GPR158: variants seen among roughly 807,000 people sequenced by gnomAD.
The protein encoded by GPR158 is metabotropic glycine receptor.
A neutral mutation model predicts 78.2 loss-of-function variants in GPR158; 30 were observed. That is an observed-to-expected ratio of 0.38 (90% CI 0.29 to 0.52). The LOEUF (loss-of-function observed/expected upper bound fraction) is 0.52, where lower values mean the gene tolerates loss of function less well. GPR158 is among the 20% of genes least tolerant of loss of function. GPR158 has a pLI of 0.83. For missense variants in GPR158, 1,463 were observed against 1,523.5 expected, an observed-to-expected ratio of 0.96 and a Z score of 0.66; for synonymous variants, 581 against 591.1, an observed-to-expected ratio of 0.98 and a Z score of 0.25.
At chr10:25,189,951 T>A (rs900653405) in intron 1 of GPR158, among the ~76,000 whole-genome samples, 1 of 149,680 alleles carries the variant, frequency 6.7e-6, no homozygotes, top group African/African-American at 2.5e-5. Flanking sequence ...AGGGAACAAA[T>A]GAAGATGAAT....
At chr10:25,222,219 T>C (rs1213520556) in intron 2 of GPR158, among the ~76,000 whole-genome samples, 1 of 151,420 alleles carries the variant, frequency 6.6e-6, no homozygotes, top group Non-Finnish European at 1.5e-5. Context: ...ACTCCCACAC[T>C]CCCAACTATC....
chr10:25,231,915 G>A (rs1853453528), intron 2 of GPR158, among the ~76,000 whole-genome samples: 1 of 152,160 alleles, frequency 6.6e-6, no homozygotes, highest in Non-Finnish European at 1.5e-5. Context: ...CGGGATCAGG[G>A]TGAGGCTGAG....
rs1427895455 is a variant in GPR158, at chr10:25,474,219, A to G, written c.1404+7500A>G. Among the ~76,000 whole-genome samples the G allele has an allele frequency of 3.3e-5, 5 of 152,114 alleles. No homozygotes were observed. In the East Asian group the frequency reaches 9.7e-4, roughly 29 times the overall value. On this transcript the variant is annotated intron_variant, in intron 5 of 10. Transcript: ENST00000376351. ...CCTCTACAAGGAAGGCAGCTCTGCA[A>G]CACCTTGATTTTAGTTCCTTAAGAC...
At chr10:25,194,807 TGTTG>T (rs1254635556) in intron 1 of GPR158, among the ~76,000 whole-genome samples, 1 of 152,228 alleles carries the variant, frequency 6.6e-6, no homozygotes, top group Non-Finnish European at 1.5e-5. Context: ...ATAATTTTTC[TGTTG>T]GTTATTTTGA....
chr10:25,426,713 C>CCATAA (rs1834829085), intron 4 of GPR158, among the ~76,000 whole-genome samples: 1 of 151,958 alleles, frequency 6.6e-6, no homozygotes. Flanking sequence ...TCACCAATCA[C>CCATAA]CATAACAGAT....
intron 2 of GPR158, among the ~76,000 whole-genome samples, chr10:25,249,158 T>G (rs1229882093): frequency 6.6e-6 from 1 of 152,186 alleles, no homozygotes; most frequent in Admixed American, 6.5e-5. Flanking sequence ...TGTACATTGA[T>G]TTTGTCTCCT....
chr10:25,332,440 C>T (rs1449337626), intron 2 of GPR158, among the ~76,000 whole-genome samples: 1 of 152,060 alleles, frequency 6.6e-6, no homozygotes, highest in Non-Finnish European at 1.5e-5. Flanking sequence ...AATATTGAAG[C>T]TAAAATTTTA....
intron 2 of GPR158, among the ~76,000 whole-genome samples, chr10:25,245,673 T>C (rs759155352): frequency 6.6e-6 from 1 of 152,192 alleles, no homozygotes; most frequent in Non-Finnish European, 1.5e-5. Context: ...CATGGAACTT[T>C]TTAAAGAGAA....
At chr10:25,566,561 G>A (rs149805769) in intron 6 of GPR158, among the ~76,000 whole-genome samples, 1 of 152,110 alleles carries the variant, frequency 6.6e-6, no homozygotes, top group East Asian at 1.9e-4. Flanking sequence ...AAAGGAAGGT[G>A]AGAAAAAAGG....
At chr10:25,222,428 C>T (rs1375786576) in intron 2 of GPR158, among the ~76,000 whole-genome samples, 1 of 151,682 alleles carries the variant, frequency 6.6e-6, no homozygotes, top group Non-Finnish European at 1.5e-5. Flanking sequence ...CCACAGCCCC[C>T]CCATTCCCTC....
intron 2 of GPR158, among the ~76,000 whole-genome samples, chr10:25,310,564 T>C (rs1193330516): frequency 6.6e-6 from 1 of 152,168 alleles, no homozygotes; most frequent in Non-Finnish European, 1.5e-5. Context: ...TTAATTTCTT[T>C]CAGCAATGTG....
Position 25,600,249 on chromosome 10 carries a change from C to A in GPR158, c.*975C>A, listed in dbSNP as rs562308446. ...TTTATTCAAAGTCAGAGATAGATAACGCCTTCATTCCAATTAATTGTCCCT... is the reference window on the plus strand; with the variant it reads ...TTTATTCAAAGTCAGAGATAGATAAAGCCTTCATTCCAATTAATTGTCCCT... On this transcript the variant is annotated 3_prime_UTR_variant, in exon 11 of 11. Coordinates refer to ENST00000376351, the MANE Select transcript of GPR158 (RefSeq NM_020752.3). The A allele has an allele frequency of 1.3e-5, 2 of 152,696 alleles. No homozygotes were observed. The highest frequency in any genetic ancestry group is 2.1e-4 in the South Asian group (1 of 4,830). 9.5% of individuals were successfully genotyped at this position (152,696 alleles called of 1,614,324 possible).
chr10:25,422,687 T>A (rs1248184143), intron 4 of GPR158, among the ~76,000 whole-genome samples: 13 of 151,698 alleles, frequency 8.6e-5, no homozygotes, highest in Admixed American at 8.5e-4. Context: ...TTCCTGAGAT[T>A]GGAGAATTTC....
At chr10:25,190,980 T>C (rs1852764607) in intron 1 of GPR158, among the ~76,000 whole-genome samples, 1 of 152,216 alleles carries the variant, frequency 6.6e-6, no homozygotes, top group African/African-American at 2.4e-5. Context: ...ATGAAGACTA[T>C]GATTTTTCTG....
chr10:25,563,190 G>T (rs763896078), intron 6 of GPR158, among the ~76,000 whole-genome samples: 1 of 151,658 alleles, frequency 6.6e-6, no homozygotes, highest in African/African-American at 2.4e-5. Context: ...ACATATAGTT[G>T]GATCATCTTT....
chr10:25,360,924 C>T (rs533372300), intron 2 of GPR158, among the ~76,000 whole-genome samples: 1 of 152,078 alleles, frequency 6.6e-6, no homozygotes, highest in African/African-American at 2.4e-5. Context: ...TGTTTGTGTC[C>T]TCTCTTATTT....
Position 25,241,295 on chromosome 10 carries a change from T to C in GPR158, c.1008+20138T>C, listed in dbSNP as rs868053041. On this transcript the variant is annotated intron_variant, in intron 2 of 10. Coordinates refer to ENST00000376351, the MANE Select transcript of GPR158 (RefSeq NM_020752.3). The stretch of plus-strand genomic sequence containing the variant: ...TCCTTTCTTTCTTTCTTTTCTTTTC[T>C]TTTCTTTTCTTTTCTTTTCTCTTCT... 1.9e-4 allele frequency among the ~76,000 whole-genome samples: 19 copies of C among 101,210 alleles called. 1 individual carries two copies. Among genetic ancestry groups the C allele is most frequent in the African/African-American group, 4.2e-4 (10 of 23,830 alleles). The allele number at this position is 101,210 out of a possible 152,430, so 66.4% of individuals were successfully genotyped here.
rs1285970655 is a variant in GPR158, at chr10:25,175,138, T to C, written c.-283T>C. 4 of 335,406 alleles carry C rather than the reference T, an allele frequency of 1.2e-5. No individual in the cohort carries two copies. The highest frequency in any genetic ancestry group is 2.2e-5 in the Non-Finnish European group (4 of 183,214). The allele number at this position is 335,406 out of a possible 1,614,324, so 20.8% of individuals were successfully genotyped here. ...TCCAGCCGCTGGGAGCGCGAGGCCA[T>C]GTAACCCGCTCGGCTCCAGGCTGCG... On this transcript the variant is annotated 5_prime_UTR_variant, in exon 1 of 11. An upstream start codon of the reference 5' UTR is lost. Transcript: ENST00000376351. This position sits in a 1 kb window ranked among gnomAD's most constrained non-coding sequence, Gnocchi z 6.4.
intron 5 of GPR158, among the ~76,000 whole-genome samples, chr10:25,509,954 TC>T (rs1836062098): frequency 6.6e-6 from 1 of 152,330 alleles, no homozygotes; most frequent in Non-Finnish European, 1.5e-5. Flanking sequence ...CCTCAGGTGA[TC>T]CACCTGCCCT....
Sources: gnomAD v4.1 joint callset for allele counts (sites outside exome capture counted in the v4.1 genomes callset) on GRCh38, gnomAD v4.1.1 for gene constraint, Gnocchi (gnomAD v3.1) non-coding constraint, MANE v1.5 for transcripts, NCBI Gene and HGNC (gene_info 2026-07-23, HGNC 2026-07-21) for gene names.